The following CHST15 variants were observed in gnomAD, a reference collection of about 807,000 sequenced individuals.
The protein encoded by CHST15 is B cell RAG associated protein (GALNAC4S-6ST).
Under a neutral mutation model 53.6 loss-of-function variants are expected in CHST15, and 30 were observed. The ratio of observed to expected loss-of-function variants is 0.56; its 90% CI spans 0.42 to 0.76. CHST15 has a LOEUF of 0.76. Ranked by LOEUF, CHST15 falls within the 30% of genes least tolerant of loss-of-function variation. The pLI, the probability that CHST15 is intolerant of heterozygous loss-of-function variation, is 0.00. For missense variants in CHST15, 627 were observed against 740.5 expected, an observed-to-expected ratio of 0.85 and a Z score of 1.78; for synonymous variants, 296 against 289.8, an observed-to-expected ratio of 1.02 and a Z score of -0.22.
intron 7 of CHST15, 117 bp from the exon 8 acceptor site, chr10:124,010,456 T>A: frequency 7.1e-7 from 1 of 1,405,616 alleles, no homozygotes; most frequent in Non-Finnish European, 9.2e-7. Context: ...TAAGAGAACA[T>A]ATTTAGGGAT....
chr10:124,082,614 C>T (rs918499051), intron 1 of CHST15, among the ~76,000 whole-genome samples: 8 of 152,236 alleles, frequency 5.3e-5, no homozygotes, highest in African/African-American at 1.9e-4. Flanking sequence ...GAAGCTTGTA[C>T]ACAAACGTTT....
chr10:124,034,796 C>T (rs1262873656), intron 5 of CHST15, among the ~76,000 whole-genome samples: 6 of 128,034 alleles, frequency 4.7e-5, no homozygotes, highest in Non-Finnish European at 9.8e-5. Context: ...ACGCCGGCTC[C>T]GCCCCTAACG....
chr10:124,083,469 A>G (rs1949317720), intron 1 of CHST15, among the ~76,000 whole-genome samples: 1 of 152,130 alleles, frequency 6.6e-6, no homozygotes, highest in Non-Finnish European at 1.5e-5. Context: ...TGGATTTTCT[A>G]TTGTCGATAG....
intron 1 of CHST15, among the ~76,000 whole-genome samples, chr10:124,071,670 T>C (rs571501489): frequency 6.6e-6 from 1 of 152,366 alleles, no homozygotes; most frequent in Non-Finnish European, 1.5e-5. Context: ...TACACTTAGG[T>C]CCATCTCAAT....
chr10:124,073,041 G>A (rs1397729062), intron 1 of CHST15, among the ~76,000 whole-genome samples: 1 of 152,088 alleles, frequency 6.6e-6, no homozygotes, highest in African/African-American at 2.4e-5. Flanking sequence ...ACAATTGTTT[G>A]GAACACTGGC....
chr10:124,075,066 A>G (rs2134178980), intron 1 of CHST15, among the ~76,000 whole-genome samples: 1 of 152,350 alleles, frequency 6.6e-6, no homozygotes, highest in African/African-American at 2.4e-5. Context: ...AGACTCCTAC[A>G]TCAGGTAATA....
chr10:124,051,382 T>G (rs1948190067), intron 1 of CHST15, among the ~76,000 whole-genome samples: 1 of 152,190 alleles, frequency 6.6e-6, no homozygotes, highest in Admixed American at 6.5e-5. Context: ...GAAAATGGAT[T>G]GCTGTTACGT....
At position 124,010,924 on chromosome 10, in the gene CHST15, G is replaced by A. The variant is rs1946395247; in HGVS notation, c.1496-585C>T. 8.1e-6 allele frequency: 8 copies of A among 985,354 alleles called. No individual in the cohort carries two copies. In the South Asian group the frequency reaches 1.4e-4, roughly 17 times the overall value. The allele number at this position is 985,354 out of a possible 1,614,324, so 61.0% of individuals were successfully genotyped here. A position where few individuals can be genotyped will look rare whatever the true frequency, so the allele number is the denominator to read the frequency against. ...CTCCATCTGCAGCAAGGAGATCAGG[G>A]AGAAGAGGCCTGCCGGCAAGGGCTG... is the stretch of plus-strand genomic sequence containing the variant. On this transcript the variant is annotated intron_variant, in intron 7 of 7. Transcript: ENST00000435907.
intron 1 of CHST15, among the ~76,000 whole-genome samples, chr10:124,048,094 T>C (rs528220096): frequency 6.6e-6 from 1 of 152,336 alleles, no homozygotes; most frequent in East Asian, 1.9e-4. Flanking sequence ...TCTCAAAATA[T>C]GGTGGCCAAG....
intron 1 of CHST15, among the ~76,000 whole-genome samples, chr10:124,078,288 C>A (rs1949135496): frequency 6.6e-6 from 1 of 152,258 alleles, no homozygotes; most frequent in South Asian, 2.1e-4. Context: ...CCACGCCCAA[C>A]TCTACCATCC....
At chr10:124,010,985 C>A (rs537653815) in intron 7 of CHST15, 4 of 984,002 alleles carry the variant, frequency 4.1e-6, no homozygotes, top group East Asian at 1.1e-4. Flanking sequence ...TGGAGTGAGG[C>A]GAGGCCCTGG....
intron 1 of CHST15, among the ~76,000 whole-genome samples, chr10:124,065,927 A>T (rs552947326): frequency 2.0e-5 from 3 of 152,186 alleles, no homozygotes; most frequent in African/African-American, 7.2e-5. Flanking sequence ...GGGGGAAAAA[A>T]ATCCCTCCTC....
intron 1 of CHST15, among the ~76,000 whole-genome samples, chr10:124,065,430 C>A (rs1338594807): frequency 6.6e-6 from 1 of 152,208 alleles, no homozygotes; most frequent in Non-Finnish European, 1.5e-5. Context: ...GTAGGTTTTA[C>A]AATTCTGCCT....
At position 124,021,236 on chromosome 10, in the gene CHST15, C is replaced by CGGGGGGG; in HGVS notation, c.1347+13_1347+19dup. ...CTGCCAGGGGCCAGCTCGGGGGGTA[C>CGGGGGGG]GGGGGGGGGGGGTACACACAGGCAT... On this transcript the variant is annotated intron_variant, in intron 6 of 7. Coordinates refer to ENST00000435907, the MANE Select transcript of CHST15 (RefSeq NM_001270764.2). 1 of 1,286,770 alleles carries CGGGGGGG rather than the reference C, an allele frequency of 7.8e-7. No individual in the cohort carries two copies. The highest frequency in any genetic ancestry group is 1.1e-6 in the Non-Finnish European group (1 of 950,100). 79.7% of individuals were successfully genotyped at this position (1,286,770 alleles called of 1,614,324 possible).
In CHST15 at chr10:124,045,942, A is replaced by C; in HGVS notation, c.271T>G (p.Leu91Val). 1 of 1,613,994 alleles carries C rather than the reference A, an allele frequency of 6.2e-7. No homozygotes were observed. The highest frequency in any genetic ancestry group is 1.6e-4 in the Middle Eastern group (1 of 6,062). Residue 91 changes from leucine (L) to valine (V), a missense_variant, in exon 2 of 8, where the codon TTG (leucine) becomes GTG (valine). Leu to Val is a conservative substitution (Grantham distance 32). This residue lies in a region of CHST15 where 187 missense variants were observed against 251.8 expected (regional missense o/e 0.74). Coordinates refer to ENST00000435907, the MANE Select transcript of CHST15 (RefSeq NM_001270764.2). Reference protein sequence around the residue: ...SLVFGLIIMTLVMASYILSGA... With the variant: ...SLVFGLIIMTVVMASYILSGA... ...GAAAGGATGTAAGAAGCCATTACCA[A>C]GGTCATTATTATCAGTCCAAAAACG...
chr10:124,020,992 C>G, intron 6 of CHST15: 1 of 1,417,280 alleles, frequency 7.1e-7, no homozygotes, highest in East Asian at 2.6e-5. Flanking sequence ...GGTAATCTTC[C>G]TAAAGGCACC....
At chr10:124,076,603 G>C (rs952514800) in intron 1 of CHST15, among the ~76,000 whole-genome samples, 4 of 152,218 alleles carry the variant, frequency 2.6e-5, no homozygotes, top group Non-Finnish European at 2.9e-5. Flanking sequence ...CAAGATCCCA[G>C]AGCCAACTCC....
At chr10:124,033,177 TGA>T (rs370641561) in intron 5 of CHST15, among the ~76,000 whole-genome samples, 10 of 152,352 alleles carry the variant, frequency 6.6e-5, no homozygotes, top group African/African-American at 2.4e-4. Flanking sequence ...CCTTTCTGGC[TGA>T]GATGGGAAAC....
intron 5 of CHST15, among the ~76,000 whole-genome samples, chr10:124,033,167 C>G (rs1947292646): frequency 6.6e-6 from 1 of 152,242 alleles, no homozygotes; most frequent in Non-Finnish European, 1.5e-5. Context: ...TATTTATCAT[C>G]CTTTCTGGCT....
Sources: gnomAD v4.1 joint callset for allele counts (sites outside exome capture counted in the v4.1 genomes callset) on GRCh38, gnomAD v4.1.1 for gene constraint, gnomAD v4.1.1 regional missense constraint, MANE v1.5 for transcripts, NCBI Gene and HGNC (gene_info 2026-07-23, HGNC 2026-07-21) for gene names.